Variants in SNX29 observed in about 807,000 individuals in gnomAD.
The protein encoded by SNX29 is sorting nexin 29, also known as sorting nexin-29.
In SNX29, 78 loss-of-function variants were observed where a neutral mutation model predicts 102.1. That is an observed-to-expected ratio of 0.76 (90% CI 0.64 to 0.92). The LOEUF (loss-of-function observed/expected upper bound fraction) is 0.92, where lower values mean the gene tolerates loss of function less well. Ranked by LOEUF, SNX29 falls within the 40% of genes least tolerant of loss-of-function variation. The pLI is 0.00. For missense variants in SNX29, 1,280 were observed against 1,061.7 expected (o/e 1.21, Z -2.86); for synonymous variants, 580 against 414.5 (o/e 1.40, Z -4.85).
intron 11 of SNX29, among the ~76,000 whole-genome samples, chr16:12,118,799 G>A (rs1323438538): frequency 1.3e-5 from 2 of 152,148 alleles, no homozygotes; most frequent in African/African-American, 2.4e-5. Context: ...CGGACTGTCT[G>A]TGGTCTCTGA....
chr16:12,555,173 G>C (rs1354462572), intron 20 of SNX29, among the ~76,000 whole-genome samples: 5 of 151,864 alleles, frequency 3.3e-5, no homozygotes, highest in Non-Finnish European at 2.9e-5. Flanking sequence ...GGCATCAGTG[G>C]GGTTACTCAG....
At chr16:12,567,807 T>C (rs1385124686) in intron 20 of SNX29, among the ~76,000 whole-genome samples, 1 of 152,160 alleles carries the variant, frequency 6.6e-6, no homozygotes, top group African/African-American at 2.4e-5. Context: ...CAGGACTTCC[T>C]GCTGAGCACC....
At position 12,329,991 on chromosome 16, in the gene SNX29, C is replaced by T. The variant is rs76100837; in HGVS notation, c.1783-26172C>T. On this transcript the variant is annotated intron_variant, in intron 15 of 20. Coordinates refer to ENST00000566228, the MANE Select transcript of SNX29 (RefSeq NM_032167.5). ...AGCTTGGGCTGTTGCGTCTGAGACA[C>T]TATCCTGATGGGCACACTCCTCAAC... Among the ~76,000 whole-genome samples the T allele has an allele frequency of 5.3e-3, 804 of 152,340 alleles. 54 individuals are homozygous for T. The East Asian group carries it at 0.13, about 25-fold the overall frequency.
chr16:12,216,148 T>C (rs1416099261), intron 14 of SNX29, among the ~76,000 whole-genome samples: 1 of 152,122 alleles, frequency 6.6e-6, no homozygotes, highest in Non-Finnish European at 1.5e-5. Context: ...AAAATTATAT[T>C]CATTATAGAA....
intron 19 of SNX29, among the ~76,000 whole-genome samples, chr16:12,490,985 C>G (rs1404533948): frequency 1.3e-5 from 2 of 152,222 alleles, no homozygotes; most frequent in Non-Finnish European, 2.9e-5. Context: ...AGAGGGTTTT[C>G]TTTTTACAGC....
chr16:12,563,031 T>C (rs1361965033), intron 20 of SNX29, among the ~76,000 whole-genome samples: 1 of 152,076 alleles, frequency 6.6e-6, no homozygotes, highest in Non-Finnish European at 1.5e-5. Context: ...TTTACATCAT[T>C]GCAAGGGCCA....
chr16:12,445,706 C>G (rs1331165043), intron 18 of SNX29, among the ~76,000 whole-genome samples: 1 of 152,212 alleles, frequency 6.6e-6, no homozygotes, highest in Non-Finnish European at 1.5e-5. Flanking sequence ...TCAGCTTCCT[C>G]TCCAACCTCA....
chr16:12,024,667 G>T (rs894946252), intron 3 of SNX29, among the ~76,000 whole-genome samples: 9 of 152,224 alleles, frequency 5.9e-5, no homozygotes, highest in Admixed American at 2.0e-4. Flanking sequence ...AAACCTTGGG[G>T]ACTGGATTTG....
chr16:12,377,225 T>C (rs1244570701), intron 16 of SNX29, among the ~76,000 whole-genome samples: 1 of 152,176 alleles, frequency 6.6e-6, no homozygotes, highest in Non-Finnish European at 1.5e-5. Context: ...TTAGTCAACG[T>C]AGGTTCAGTT....
In SNX29 at chr16:12,268,956, C is replaced by T. The variant is rs1015907233; in HGVS notation, c.1679-8977C>T. Among the ~76,000 whole-genome samples the T allele has an allele frequency of 2.6e-5, 4 of 152,228 alleles. No individual in the cohort carries two copies. The East Asian group carries it at 5.8e-4, about 22-fold the overall frequency. On this transcript the variant is annotated intron_variant, in intron 14 of 20. Coordinates refer to ENST00000566228, the MANE Select transcript of SNX29 (RefSeq NM_032167.5). ...ACAGATACCCCCAAACAGATGTGGC[C>T]GGCTGCGATGAGATGAAAAGTTATG...
chr16:12,541,181 A>T (rs1400095642), intron 20 of SNX29, among the ~76,000 whole-genome samples: 1 of 152,260 alleles, frequency 6.6e-6, no homozygotes, highest in Non-Finnish European at 1.5e-5. Context: ...CTTCCTCAGT[A>T]TTGTCTATCC....
intron 18 of SNX29, among the ~76,000 whole-genome samples, chr16:12,461,848 G>A (rs952008914): frequency 4.4e-4 from 65 of 148,846 alleles, no homozygotes; most frequent in African/African-American, 1.5e-3. Flanking sequence ...CCCAGCTACT[G>A]TGGAGGCTGA....
At chr16:12,542,395 GCA>G (rs906512289) in intron 20 of SNX29, among the ~76,000 whole-genome samples, 7 of 152,336 alleles carry the variant, frequency 4.6e-5, no homozygotes, top group South Asian at 2.1e-4. Context: ...GAGTACAGTG[GCA>G]CAGTCTCCCC....
chr16:12,552,858 G>C (rs1021106868), intron 20 of SNX29, among the ~76,000 whole-genome samples: 5 of 152,232 alleles, frequency 3.3e-5, no homozygotes, highest in African/African-American at 7.2e-5. Context: ...GGGTGTGGCA[G>C]ATGGCAGGGC....
At chr16:12,049,444 T>A (rs538697016) in intron 7 of SNX29, among the ~76,000 whole-genome samples, 1 of 152,186 alleles carries the variant, frequency 6.6e-6, no homozygotes, top group South Asian at 2.1e-4. Flanking sequence ...GCAATTCTCC[T>A]GCCTCAACCT....
intron 10 of SNX29, among the ~76,000 whole-genome samples, chr16:12,070,223 AT>A (rs1406272706): frequency 6.6e-6 from 1 of 151,604 alleles, no homozygotes; most frequent in Non-Finnish European, 1.5e-5. Context: ...CATGTGCACA[AT>A]GTTCAGGTTA....
At chr16:12,523,236 G>A (rs1400936227) in intron 19 of SNX29, among the ~76,000 whole-genome samples, 2 of 152,162 alleles carry the variant, frequency 1.3e-5, no homozygotes, top group African/African-American at 4.8e-5. Context: ...GAGCAGAGAC[G>A]AGTGCCCCAC....
At chr16:12,499,806 C>T (rs1219579177) in intron 19 of SNX29, among the ~76,000 whole-genome samples, 1 of 152,054 alleles carries the variant, frequency 6.6e-6, no homozygotes, top group African/African-American at 2.4e-5. Context: ...CTCCTGAGTA[C>T]CTGGGGCCAC....
At chr16:12,335,549 G>C (rs769521036) in intron 15 of SNX29, among the ~76,000 whole-genome samples, 3 of 152,088 alleles carry the variant, frequency 2.0e-5, no homozygotes, top group African/African-American at 7.2e-5. Flanking sequence ...GGTTGCATGT[G>C]CCTGTATTCC....
Sources: gnomAD v4.1 joint callset for allele counts (sites outside exome capture counted in the v4.1 genomes callset) on GRCh38, gnomAD v4.1.1 for gene constraint, MANE v1.5 for transcripts, NCBI Gene and HGNC (gene_info 2026-07-23, HGNC 2026-07-21) for gene names.